The following INPP5F variants were observed in gnomAD, a reference collection of about 807,000 sequenced individuals.
INPP5F encodes inositol polyphosphate-5-phosphatase F.
Under a neutral mutation model 137.2 loss-of-function variants are expected in INPP5F, and 97 were observed. The ratio of observed to expected loss-of-function variants is 0.71; its 90% CI spans 0.60 to 0.84. The LOEUF is 0.84. Among genes scored for constraint, INPP5F ranks in the 40% least tolerant of loss-of-function variants. The pLI is 0.00. For missense variants in INPP5F, 1,271 were observed against 1,371.9 expected (o/e 0.93, Z 1.16); for synonymous variants, 504 against 476.9 (o/e 1.06, Z -0.74).
At chr10:119,745,622 G>A (rs1755473038) in intron 1 of INPP5F, among the ~76,000 whole-genome samples, 1 of 149,472 alleles carries the variant, frequency 6.7e-6, no homozygotes, top group Non-Finnish European at 1.5e-5. Flanking sequence ...ACCTTGTGAT[G>A]TAATCCCTGG....
At chr10:119,763,680 G>A (rs1343298667) in intron 2 of INPP5F, among the ~76,000 whole-genome samples, 4 of 152,134 alleles carry the variant, frequency 2.6e-5, no homozygotes, top group South Asian at 2.1e-4. Flanking sequence ...TCCCCTGAAC[G>A]GGCCTTTTTA....
chr10:119,756,230 T>C (rs1055285930), intron 2 of INPP5F, among the ~76,000 whole-genome samples: 3 of 152,048 alleles, frequency 2.0e-5, no homozygotes. Flanking sequence ...AAGATCCTCA[T>C]AGATATCAGA....
At chr10:119,779,327 T>C (rs565991936) in intron 2 of INPP5F, among the ~76,000 whole-genome samples, 2 of 152,292 alleles carry the variant, frequency 1.3e-5, no homozygotes, top group South Asian at 4.1e-4. Context: ...TAGGACATTA[T>C]CGTACACTAC....
At chr10:119,736,033 T>G (rs549914854) in intron 1 of INPP5F, among the ~76,000 whole-genome samples, 110 of 152,306 alleles carry the variant, frequency 7.2e-4, no homozygotes, top group African/African-American at 2.5e-3. Context: ...TGTTAATAAC[T>G]CTAAAATGAG....
intron 19 of INPP5F, among the ~76,000 whole-genome samples, chr10:119,824,355 T>G (rs753980230): frequency 6.6e-6 from 1 of 152,238 alleles, no homozygotes; most frequent in Non-Finnish European, 1.5e-5. Context: ...ATCTTGTCTT[T>G]TCTTTCATAA....
chr10:119,792,164 A>G lies in INPP5F; in HGVS notation c.620A>G (p.Asp207Gly), dbSNP rs1850169984. The G allele has an allele frequency of 6.2e-7, 1 of 1,614,140 alleles. No homozygotes were observed. Among genetic ancestry groups the G allele is most frequent in the Non-Finnish European group, 8.5e-7 (1 of 1,180,026 alleles). Residue 207 changes from aspartate (D) to glycine (G), a missense_variant, in exon 6 of 20, where the codon GAC (aspartate) becomes GGC (glycine). By Grantham distance (94) the Asp-to-Gly change is moderately conservative. This residue lies in a region of INPP5F where 593 missense variants were observed against 712.4 expected (regional missense o/e 0.83). Coordinates refer to ENST00000650623, the MANE Select transcript of INPP5F (RefSeq NM_014937.4). ...TTCCTGCACCTTTTCTAGGTTGATGACCGATTTTTTTGGAATAAATACATG... is the reference window on the plus strand; with the variant it reads ...TTCCTGCACCTTTTCTAGGTTGATGGCCGATTTTTTTGGAATAAATACATG... Reference protein sequence around the residue: ...DGRPLWQKVDDRFFWNKYMIQ... With the variant: ...DGRPLWQKVDGRFFWNKYMIQ...
chr10:119,766,157 G>A (rs1191619762), intron 2 of INPP5F, among the ~76,000 whole-genome samples: 1 of 152,100 alleles, frequency 6.6e-6, no homozygotes, highest in Admixed American at 6.6e-5. Flanking sequence ...TGATGTCCCA[G>A]CTTAGAGAGC....
Position 119,827,370 on chromosome 10 carries a change from A to C in INPP5F, c.2989A>C (p.Asn997His), listed in dbSNP as rs3188055. The change falls in exon 20 of 20, where the codon AAT becomes CAT. Residue 997 changes from asparagine (N) to histidine (H), a missense_variant. Asn to His is a moderately conservative substitution (Grantham distance 68). Coordinates refer to ENST00000650623, the MANE Select transcript of INPP5F (RefSeq NM_014937.4). ...ERNQMTNQVS[N>H]ETQSESTEQT... ...AAATCAAATGACCAATCAAGTTTCA[A>C]ATGAAACCCAATCAGAATCAACAGA... 1 of 1,613,752 alleles carries C rather than the reference A, an allele frequency of 6.2e-7. No homozygotes were observed.
chr10:119,820,948 TTTTG>T (rs748392401), intron 16 of INPP5F, 31 bp downstream of exon 16: 1 of 1,416,104 alleles, frequency 7.1e-7, no homozygotes, highest in South Asian at 1.2e-5. Context: ...AAGGTTTTGA[TTTTG>T]TTTTTTAAAC....
chr10:119,813,703 C>T (rs988798260), intron 15 of INPP5F, among the ~76,000 whole-genome samples: 1 of 152,140 alleles, frequency 6.6e-6, no homozygotes, highest in Non-Finnish European at 1.5e-5. Flanking sequence ...AGGATTAGGT[C>T]TTTAAATCAC....
chr10:119,737,302 A>G (rs994197716), intron 1 of INPP5F, among the ~76,000 whole-genome samples: 9 of 152,200 alleles, frequency 5.9e-5, no homozygotes, highest in African/African-American at 2.2e-4. Context: ...TTAAAGTTGT[A>G]TGTGCTACAG....
chr10:119,771,405 T>G (rs547695478), intron 2 of INPP5F, among the ~76,000 whole-genome samples: 1 of 152,236 alleles, frequency 6.6e-6, no homozygotes, highest in East Asian at 1.9e-4. Context: ...TTTTTTTTAA[T>G]TTAAATTTTT....
intron 12 of INPP5F, among the ~76,000 whole-genome samples, chr10:119,807,691 T>A (rs1850850533): frequency 6.6e-6 from 1 of 152,240 alleles, no homozygotes; most frequent in Admixed American, 6.5e-5. Context: ...AATAGTATGA[T>A]CCTGCACATT....
In INPP5F at chr10:119,820,982, A is replaced by C. The variant is rs1851538234; in HGVS notation, c.1958+65A>C. ...TTAAACTTGAGTAAATTTTCTTTTT[A>C]GAATTCGTAACAAAAAAATGTGAGA... is the stretch of plus-strand genomic sequence containing the variant. On this transcript the variant is annotated intron_variant, in intron 16 of 19. Transcript: ENST00000650623. 5 of 1,027,916 alleles carry C rather than the reference A, an allele frequency of 4.9e-6. No individual in the cohort carries two copies. In the Admixed American group the frequency reaches 9.1e-5, roughly 19 times the overall value. 63.7% of individuals were successfully genotyped at this position (1,027,916 alleles called of 1,614,324 possible).
intron 2 of INPP5F, among the ~76,000 whole-genome samples, chr10:119,779,352 A>G (rs1021055696): frequency 1.3e-5 from 2 of 152,118 alleles, no homozygotes; most frequent in Non-Finnish European, 2.9e-5. Context: ...GACTTTATAA[A>G]CATCATACAT....
At position 119,827,604 on chromosome 10, in the gene INPP5F, C is replaced by T. The variant is rs780378505; in HGVS notation, c.3223C>T (p.Arg1075Ter). Residue 1075 changes from arginine (R) to a stop codon, truncating the protein, a stop_gained, in exon 20 of 20, where the codon CGA becomes TGA. Coordinates refer to ENST00000650623, the MANE Select transcript of INPP5F (RefSeq NM_014937.4). LOFTEE classifies it high-confidence loss of function. ...SRAVSPFAKI[R>*]SSMVQVASIT... ...AGCAGTCTCTCCCTTTGCCAAGATT[C>T]GAAGTTCCATGGTCCAGGTTGCTAG... 9.3e-6 allele frequency: 15 copies of T among 1,614,014 alleles called. No individual in the cohort carries two copies. Among genetic ancestry groups the T allele is most frequent in the Non-Finnish European group, 1.2e-5 (14 of 1,180,020 alleles).
At chr10:119,800,896 G>A (rs1850563778) in intron 9 of INPP5F, among the ~76,000 whole-genome samples, 1 of 140,688 alleles carries the variant, frequency 7.1e-6, no homozygotes, top group East Asian at 2.1e-4. Flanking sequence ...GTTGCAGTGA[G>A]CCAAGATCAT....
At chr10:119,772,991 G>A (rs776472810) in intron 2 of INPP5F, among the ~76,000 whole-genome samples, 17 of 151,988 alleles carry the variant, frequency 1.1e-4, no homozygotes, top group Non-Finnish European at 1.9e-4. Flanking sequence ...CTCGTGATCC[G>A]CTTGCCTTGG....
At chr10:119,732,062 G>A (rs1365812342) in intron 1 of INPP5F, among the ~76,000 whole-genome samples, 2 of 119,746 alleles carry the variant, frequency 1.7e-5, no homozygotes, top group Non-Finnish European at 3.3e-5. Context: ...TTTTTTTAGT[G>A]TAGACAGCCC....
Sources: allele counts gnomAD v4.1 joint callset (sites outside exome capture counted in the v4.1 genomes callset), GRCh38; gene constraint gnomAD v4.1.1; regional missense constraint gnomAD v4.1.1; transcripts MANE v1.5; gene names NCBI Gene and HGNC (gene_info 2026-07-23, HGNC 2026-07-21).